Variants in BCKDHB observed in about 807,000 individuals in gnomAD.
BCKDHB encodes the protein 2-oxoisovalerate dehydrogenase subunit beta, mitochondrial.
A neutral mutation model predicts 48.5 loss-of-function variants in BCKDHB; 41 were observed. That is an observed-to-expected ratio of 0.85 (90% CI 0.66 to 1.10). The LOEUF (loss-of-function observed/expected upper bound fraction) is 1.10. BCKDHB is among the 50% of genes least tolerant of loss of function. BCKDHB has a pLI of 0.00. For missense variants in BCKDHB, 496 were observed against 494.2 expected (o/e 1.00, Z -0.03); for synonymous variants, 201 against 174.8 (o/e 1.15, Z -1.18).
chr6:80,461,642 CTT>C, the BCKDHB span, among the ~76,000 whole-genome samples: 1 of 152,074 alleles, frequency 6.6e-6, no homozygotes, highest in African/African-American at 2.4e-5. Flanking sequence ...ATCTCTCTAG[CTT>C]TAGTGTTTTC....
chr6:80,223,473 A>C (rs1046890530), intron 8 of BCKDHB, among the ~76,000 whole-genome samples: 1 of 152,108 alleles, frequency 6.6e-6, no homozygotes, highest in Non-Finnish European at 1.5e-5. Flanking sequence ...TTCTTATGTC[A>C]GTTTTGGAAA....
At chr6:80,112,894 C>T (rs552127806) in intron 1 of BCKDHB, among the ~76,000 whole-genome samples, 3 of 152,344 alleles carry the variant, frequency 2.0e-5, no homozygotes, top group East Asian at 3.9e-4. Context: ...TGGATGAAAG[C>T]CTCAACTTCT....
At chr6:80,224,389 T>C (rs1242961501) in intron 8 of BCKDHB, among the ~76,000 whole-genome samples, 1 of 151,644 alleles carries the variant, frequency 6.6e-6, no homozygotes, top group Non-Finnish European at 1.5e-5. Flanking sequence ...AAAGAGAGAT[T>C]TTTTTCTTTC....
chr6:80,109,851 A>G (rs1236782421), intron 1 of BCKDHB, among the ~76,000 whole-genome samples: 3 of 152,170 alleles, frequency 2.0e-5, no homozygotes, highest in Non-Finnish European at 4.4e-5. Flanking sequence ...CATTTTAAAG[A>G]TGAGAAAATT....
At chr6:80,255,197 T>C (rs913573891) in intron 8 of BCKDHB, among the ~76,000 whole-genome samples, 4 of 152,198 alleles carry the variant, frequency 2.6e-5, no homozygotes, top group Non-Finnish European at 5.9e-5. Context: ...TATTGTACTT[T>C]TGCTAACAGT....
intron 8 of BCKDHB, among the ~76,000 whole-genome samples, chr6:80,245,147 A>G (rs1430667988): frequency 6.6e-6 from 1 of 152,022 alleles, no homozygotes; most frequent in African/African-American, 2.4e-5. Context: ...ACTGTTTGCC[A>G]CTTTTGCACA....
At chr6:80,246,932 G>A (rs1237878218) in intron 8 of BCKDHB, among the ~76,000 whole-genome samples, 3 of 151,304 alleles carry the variant, frequency 2.0e-5, no homozygotes, top group Non-Finnish European at 4.4e-5. Context: ...CCCAGACAAT[G>A]TTTAATCTCT....
intron 6 of BCKDHB, among the ~76,000 whole-genome samples, chr6:80,174,289 C>A (rs77024417): frequency 1.3e-5 from 2 of 152,178 alleles, no homozygotes; most frequent in East Asian, 3.9e-4. Flanking sequence ...TACTGGCTGA[C>A]ATTTATATAA....
chr6:80,220,972 A>T (rs1316081192), intron 8 of BCKDHB, among the ~76,000 whole-genome samples: 4 of 151,936 alleles, frequency 2.6e-5, no homozygotes, highest in Non-Finnish European at 5.9e-5. Flanking sequence ...TCACCTTGTG[A>T]TCTACCTGCC....
chr6:80,408,810 A>G, the BCKDHB span, among the ~76,000 whole-genome samples: 1 of 149,308 alleles, frequency 6.7e-6, no homozygotes, highest in East Asian at 1.9e-4. Context: ...TTTCAAAAAA[A>G]AAAACCAAAC....
At chr6:80,233,318 C>T (rs1776011298) in intron 8 of BCKDHB, among the ~76,000 whole-genome samples, 2 of 152,166 alleles carry the variant, frequency 1.3e-5, no homozygotes, top group Non-Finnish European at 2.9e-5. Context: ...CTAGTTGTCT[C>T]TAGGGCAGTA....
At chr6:80,390,087 CAAAG>C in the BCKDHB span, among the ~76,000 whole-genome samples, 1 of 152,172 alleles carries the variant, frequency 6.6e-6, no homozygotes, top group Non-Finnish European at 1.5e-5. Flanking sequence ...AACAGACTAA[CAAAG>C]GAGTTACAGT....
At chr6:80,148,730 A>G (rs973349816) in intron 3 of BCKDHB, among the ~76,000 whole-genome samples, 3 of 152,190 alleles carry the variant, frequency 2.0e-5, no homozygotes, top group Non-Finnish European at 2.9e-5. Context: ...ACAATTCCCT[A>G]TTTAATAAAT....
chr6:80,225,062 A>G (rs957606919), intron 8 of BCKDHB, among the ~76,000 whole-genome samples: 18 of 152,176 alleles, frequency 1.2e-4, no homozygotes, highest in African/African-American at 3.9e-4. Flanking sequence ...TTGCCTTTGA[A>G]TATTCGAAGA....
intron 1 of BCKDHB, among the ~76,000 whole-genome samples, chr6:80,108,860 A>G (rs1769269424): frequency 6.6e-6 from 1 of 152,186 alleles, no homozygotes; most frequent in African/African-American, 2.4e-5. Context: ...CTCTGTCTCA[A>G]AAAAACCCCA....
chr6:80,417,449 C>A, the BCKDHB span, among the ~76,000 whole-genome samples: 1 of 151,516 alleles, frequency 6.6e-6, no homozygotes, highest in South Asian at 2.1e-4. Flanking sequence ...TCAGTGTGTA[C>A]CTCAGTGTTT....
chr6:80,454,010 CTGTGACA>C, the BCKDHB span: 1 of 152,142 alleles, frequency 6.6e-6, no homozygotes, highest in African/African-American at 2.4e-5. Flanking sequence ...ATGTTGAGCC[CTGTGACA>C]TGAGCATTTG....
the BCKDHB span, chr6:80,440,586 A>G: frequency 6.6e-6 from 1 of 150,568 alleles, no homozygotes; most frequent in Non-Finnish European, 1.5e-5. Context: ...TTAACTAAAG[A>G]TGTAATTTAC....
At chr6:80,290,213 G>A (rs1041543569) in intron 9 of BCKDHB, among the ~76,000 whole-genome samples, 15 of 151,526 alleles carry the variant, frequency 9.9e-5, no homozygotes, top group African/African-American at 3.4e-4. Flanking sequence ...CAGCACTCAA[G>A]TCAGGTAGAA....
Sources: gnomAD v4.1 joint callset for allele counts (sites outside exome capture counted in the v4.1 genomes callset) on GRCh38, gnomAD v4.1.1 for gene constraint, MANE v1.5 for transcripts, NCBI Gene and HGNC (gene_info 2026-07-23, HGNC 2026-07-21) for gene names.